Variants in CCDC171 observed in about 807,000 individuals in gnomAD.
CCDC171 encodes the protein coiled-coil domain-containing protein 171.
CCDC171 carries 177 observed loss-of-function variants against 168.2 expected under a neutral mutation model. The observed-to-expected ratio is 1.05, with a 90% CI of 0.93 to 1.19. The LOEUF (loss-of-function observed/expected upper bound fraction) is 1.19, where lower values mean the gene tolerates loss of function less well. CCDC171 is among the 50% of genes most tolerant of loss of function. CCDC171 has a pLI of 0.00. For missense variants in CCDC171, 1,991 were observed against 1,539.0 expected, an observed-to-expected ratio of 1.29 and a Z score of -4.91; for synonymous variants, 687 against 540.8, an observed-to-expected ratio of 1.27 and a Z score of -3.75.
chr9:15,809,340 A>G (rs1165817539), intron 21 of CCDC171, among the ~76,000 whole-genome samples: 2 of 152,348 alleles, frequency 1.3e-5, no homozygotes, highest in East Asian at 1.9e-4. Flanking sequence ...AATTTAAATT[A>G]AAATGAAATG....
chr9:15,657,020 C>A (rs1039370668), intron 7 of CCDC171, 107 bp from the exon 8 acceptor site: 6 of 480,336 alleles, frequency 1.2e-5, no homozygotes, highest in African/African-American at 8.0e-5. Context: ...AAAAATGAGG[C>A]TGCAAGTCCA....
chr9:16,013,328 G>A (rs187941458), intron 3 of CCDC171, among the ~76,000 whole-genome samples: 60 of 152,204 alleles, frequency 3.9e-4, no homozygotes, highest in African/African-American at 1.4e-3. Flanking sequence ...CTAGCTTTCT[G>A]CCTCTCATCT....
At chr9:15,629,092 A>C (rs1262410392) in intron 7 of CCDC171, among the ~76,000 whole-genome samples, 4 of 152,172 alleles carry the variant, frequency 2.6e-5, no homozygotes, top group Admixed American at 6.6e-5. Flanking sequence ...AAAACAGAGC[A>C]GAAAAACTGG....
the CCDC171 span, among the ~76,000 whole-genome samples, chr9:16,101,424 C>T: frequency 2.6e-4 from 40 of 152,330 alleles, no homozygotes; most frequent in African/African-American, 9.6e-4. Flanking sequence ...CCCAGTGACC[C>T]TCCCTCTGGT....
chr9:15,842,848 G>A (rs541653312), intron 21 of CCDC171, among the ~76,000 whole-genome samples: 60 of 151,780 alleles, frequency 4.0e-4, no homozygotes, highest in African/African-American at 1.3e-3. Flanking sequence ...ATAATATTAT[G>A]TATGACTTAA....
intron 24 of CCDC171, among the ~76,000 whole-genome samples, chr9:15,906,201 C>G (rs191873015): frequency 1.3e-5 from 2 of 152,128 alleles, no homozygotes; most frequent in Non-Finnish European, 2.9e-5. Context: ...GATACCAAAG[C>G]CTGGCAGAGA....
chr9:15,632,908 A>G (rs189350211), intron 7 of CCDC171, among the ~76,000 whole-genome samples: 2 of 152,310 alleles, frequency 1.3e-5, no homozygotes, highest in East Asian at 3.9e-4. Flanking sequence ...CCTGAGAAAA[A>G]CAAGCAACGC....
intron 16 of CCDC171, among the ~76,000 whole-genome samples, chr9:15,730,290 G>A (rs537071052): frequency 4.0e-5 from 6 of 149,354 alleles, no homozygotes; most frequent in Non-Finnish European, 7.4e-5. Flanking sequence ...TATAGTTGTA[G>A]GCCATGTAGC....
chr9:16,092,480 C>T, the CCDC171 span, among the ~76,000 whole-genome samples: 2 of 152,176 alleles, frequency 1.3e-5, no homozygotes, highest in East Asian at 3.8e-4. Context: ...GCTTCTGCTC[C>T]ACTTCCCCCT....
At chr9:15,926,368 C>T (rs984189467) in intron 25 of CCDC171, among the ~76,000 whole-genome samples, 1 of 151,688 alleles carries the variant, frequency 6.6e-6, no homozygotes, top group African/African-American at 2.4e-5. Context: ...CCCAGTGAGC[C>T]CAAGACTGCT....
Position 15,962,905 on chromosome 9 carries a change from G to GTA in CCDC171, c.3754-8693_3754-8692dup, listed in dbSNP as rs149427747. On this transcript the variant is annotated intron_variant, in intron 25 of 25. Coordinates refer to ENST00000380701, the MANE Select transcript of CCDC171 (RefSeq NM_173550.4). Reference sequence around the variant, plus strand: ...AATGTATATTACTATTTATATATATGTATATATATATACACATAAACACAT... The same window carrying GTA: ...AATGTATATTACTATTTATATATATGTATATATATATATACACATAAACACAT... Among the ~76,000 whole-genome samples, 184 of 150,092 alleles carry GTA rather than the reference G, an allele frequency of 1.2e-3. 2 individuals carry two copies. Among genetic ancestry groups the GTA allele is most frequent in the Non-Finnish European group, 1.5e-3 (99 of 67,588 alleles).
chr9:16,102,869 A>G, the CCDC171 span, among the ~76,000 whole-genome samples: 3,469 of 152,204 alleles, frequency 0.023, 120 homozygotes, highest in African/African-American at 0.071. Flanking sequence ...CGACCTTTGA[A>G]TTATACAAAT....
Position 15,946,120 on chromosome 9 carries a change from T to C in CCDC171, c.3754-25489T>C, listed in dbSNP as rs201438902. ...ATATGGCTAGCCAGTTTTCCCAGCA[T>C]CATTTATTAAATAGGGAATCCTTTC... On this transcript the variant is annotated intron_variant, in intron 25 of 25. Transcript: ENST00000380701. Among the ~76,000 whole-genome samples the C allele has an allele frequency of 7.5e-4, 114 of 151,864 alleles. 3 individuals are homozygous for C. The highest frequency in any genetic ancestry group is 2.3e-3 in the South Asian group (11 of 4,806).
At chr9:16,004,333 TGAAA>T (rs1216425479) in intron 3 of CCDC171, among the ~76,000 whole-genome samples, 1 of 152,034 alleles carries the variant, frequency 6.6e-6, no homozygotes, top group Non-Finnish European at 1.5e-5. Flanking sequence ...GAAAAATAAC[TGAAA>T]GAAAGAAAGA....
At position 15,653,439 on chromosome 9, in the gene CCDC171, G is replaced by T. The variant is rs867508726; in HGVS notation, c.823-3688G>T. On this transcript the variant is annotated intron_variant, in intron 7 of 25. Coordinates refer to ENST00000380701, the MANE Select transcript of CCDC171 (RefSeq NM_173550.4). ...TTACAAGTGTGAGCCACTGTGCCTGGCCTAATTTTGTTAATTGGGTAAATA... is the reference window on the plus strand; with the variant it reads ...TTACAAGTGTGAGCCACTGTGCCTGTCCTAATTTTGTTAATTGGGTAAATA... 2.2e-4 allele frequency among the ~76,000 whole-genome samples: 33 copies of T among 152,192 alleles called. No homozygotes were observed. In the Middle Eastern group the frequency reaches 0.01, roughly 47 times the overall value.
chr9:15,920,410 A>G lies in CCDC171; in HGVS notation c.3741A>G (p.Ala1247=), dbSNP rs1825158819. ...ELHTACLREN[A]SLQSIGSRDH... Reference sequence around the variant, plus strand: ...ACACAGCTTGTTTACGTGAAAATGCAAGTTTACAATCAGTAAGTCCTTGTC... The same window carrying G: ...ACACAGCTTGTTTACGTGAAAATGCGAGTTTACAATCAGTAAGTCCTTGTC... The change falls in exon 25 of 26, where the codon GCA becomes GCG. Residue 1247 remains alanine (A), a synonymous_variant. Transcript: ENST00000380701. 1.2e-6 allele frequency: 2 copies of G among 1,605,014 alleles called. No individual in the cohort carries two copies. Among genetic ancestry groups the G allele is most frequent in the East Asian group, 4.5e-5 (2 of 44,682 alleles).
At chr9:15,639,514 G>T (rs2046436303) in intron 7 of CCDC171, among the ~76,000 whole-genome samples, 2 of 151,900 alleles carry the variant, frequency 1.3e-5, no homozygotes, top group African/African-American at 4.8e-5. Flanking sequence ...ATTATACCTA[G>T]AAGTAATAAA....
intron 16 of CCDC171, among the ~76,000 whole-genome samples, chr9:15,742,918 A>G (rs895716847): frequency 1.3e-5 from 2 of 151,878 alleles, no homozygotes; most frequent in African/African-American, 4.8e-5. Context: ...AGAACTATAC[A>G]CATACCACCC....
intron 24 of CCDC171, among the ~76,000 whole-genome samples, chr9:15,881,078 C>T (rs1249052745): frequency 6.6e-6 from 1 of 152,100 alleles, no homozygotes; most frequent in African/African-American, 2.4e-5. Flanking sequence ...TGGGGCCTAA[C>T]TTGAATGTGA....
Sources: allele counts gnomAD v4.1 joint callset (sites outside exome capture counted in the v4.1 genomes callset), GRCh38; gene constraint gnomAD v4.1.1; transcripts MANE v1.5; gene names NCBI Gene and HGNC (gene_info 2026-07-23, HGNC 2026-07-21).